FHIT: variants seen among roughly 807,000 people sequenced by gnomAD.
FHIT encodes bis(5'-adenosyl)-triphosphatase.
FHIT carries 19 observed loss-of-function variants against 17.9 expected under a neutral mutation model. The ratio of observed to expected loss-of-function variants is 1.06; its 90% CI spans 0.74 to 1.56. The LOEUF is 1.56. Among genes scored for constraint, FHIT ranks in the 40% most tolerant of loss-of-function variants. FHIT has a pLI of 0.00. For synonymous variants in FHIT, 81 were observed against 69.7 expected, an observed-to-expected ratio of 1.16 and a Z score of -0.81; for missense variants, 248 against 189.2, an observed-to-expected ratio of 1.31 and a Z score of -1.82.
chr3:59,972,030 A>G (rs866506598), intron 7 of FHIT, among the ~76,000 whole-genome samples: 1 of 152,066 alleles, frequency 6.6e-6, no homozygotes, highest in Non-Finnish European at 1.5e-5. Flanking sequence ...TCAGCCTTGA[A>G]TGGATAGGAA....
At chr3:60,782,193 C>T (rs1446060072) in intron 4 of FHIT, among the ~76,000 whole-genome samples, 1 of 149,246 alleles carries the variant, frequency 6.7e-6, no homozygotes, top group African/African-American at 2.5e-5. Flanking sequence ...AAAATTTCCT[C>T]ATTTTTAAGG....
intron 7 of FHIT, among the ~76,000 whole-genome samples, chr3:59,983,489 T>C (rs1268289886): frequency 5.9e-5 from 9 of 152,174 alleles, no homozygotes; most frequent in Admixed American, 5.9e-4. Context: ...TGTACTATTT[T>C]ATTAGTAGTA....
Position 60,536,838 on chromosome 3 carries a change from CAA to C in FHIT, c.103+20_103+21del, listed in dbSNP as rs751354648. Reference sequence around the variant, plus strand: ...TCAGAAGACTTTTATTTTCCCTCTCCAAAAAAAAAAAGAAAGGATACGTCCTG... The same window carrying C: ...TCAGAAGACTTTTATTTTCCCTCTCCAAAAAAAAAGAAAGGATACGTCCTG... On this transcript the variant is annotated intron_variant, in intron 5 of 9. Transcript: ENST00000492590. 6.3e-4 allele frequency: 740 copies of C among 1,175,406 alleles called. 1 individual carries two copies. The East Asian group carries it at 8.5e-3, about 14-fold the overall frequency. 72.8% of individuals were successfully genotyped at this position (1,175,406 alleles called of 1,614,324 possible). A position where few individuals can be genotyped will look rare whatever the true frequency, so the allele number is the denominator to read the frequency against.
At chr3:60,255,000 T>C (rs1705916740) in intron 5 of FHIT, among the ~76,000 whole-genome samples, 1 of 152,202 alleles carries the variant, frequency 6.6e-6, no homozygotes, top group African/African-American at 2.4e-5. Flanking sequence ...CTGAGAAGAA[T>C]GAAACAGATT....
chr3:60,276,661 TAAAGA>T (rs1296044154), intron 5 of FHIT, among the ~76,000 whole-genome samples: 1 of 152,192 alleles, frequency 6.6e-6, no homozygotes, highest in Non-Finnish European at 1.5e-5. Context: ...GGGTAATTTT[TAAAGA>T]AAAGAGGTTT....
intron 1 of FHIT, among the ~76,000 whole-genome samples, chr3:61,205,899 T>TA (rs2039213485): frequency 6.7e-6 from 1 of 149,876 alleles, no homozygotes; most frequent in South Asian, 2.2e-4. Context: ...TGCCCATGCC[T>TA]ATGTCCTGAA....
chr3:61,226,193 G>A (rs529435878), intron 1 of FHIT, among the ~76,000 whole-genome samples: 18 of 152,262 alleles, frequency 1.2e-4, no homozygotes, highest in Admixed American at 3.3e-4. Flanking sequence ...CTCATCAGGC[G>A]CTGAGGGGTG....
At chr3:60,305,511 T>C (rs1576449742) in intron 5 of FHIT, among the ~76,000 whole-genome samples, 1 of 152,146 alleles carries the variant, frequency 6.6e-6, no homozygotes, top group Non-Finnish European at 1.5e-5. Context: ...CTCTCGGCTG[T>C]TGATTCAACC....
At chr3:60,308,322 C>T (rs1296537704) in intron 5 of FHIT, among the ~76,000 whole-genome samples, 1 of 143,040 alleles carries the variant, frequency 7.0e-6, no homozygotes, top group African/African-American at 2.4e-5. Flanking sequence ...TGCATTCCTT[C>T]AGTGTAGAGT....
At chr3:60,560,013 G>T (rs370593695) in intron 4 of FHIT, among the ~76,000 whole-genome samples, 4 of 151,982 alleles carry the variant, frequency 2.6e-5, no homozygotes, top group African/African-American at 7.2e-5. Flanking sequence ...GTTTAAGAAT[G>T]ACAGCTCCCA....
intron 5 of FHIT, among the ~76,000 whole-genome samples, chr3:60,035,523 A>C (rs990436066): frequency 6.6e-6 from 1 of 152,184 alleles, no homozygotes; most frequent in African/African-American, 2.4e-5. Flanking sequence ...CCCAGCCAAA[A>C]ACATTTTTTT....
chr3:59,833,617 G>C (rs3112506), intron 8 of FHIT, among the ~76,000 whole-genome samples: 1 of 152,080 alleles, frequency 6.6e-6, no homozygotes, highest in Admixed American at 6.6e-5. Flanking sequence ...GGTGGCCCTA[G>C]GAAACTAATA....
rs567516876 is a variant in FHIT, at chr3:60,250,982, G to A, written c.104-236830C>T. Among the ~76,000 whole-genome samples, 283 of 152,266 alleles carry A rather than the reference G, an allele frequency of 1.9e-3. 1 individual carries two copies. Among genetic ancestry groups the A allele is most frequent in the African/African-American group, 6.4e-3 (265 of 41,560 alleles). On this transcript the variant is annotated intron_variant, in intron 5 of 9. Transcript: ENST00000492590. ...CGAAAGAGGTGACATTATGATTGCT[G>A]GGCATCCTTTACCCACGTGGTTTGT...
chr3:60,981,639 T>C (rs1710500369), intron 3 of FHIT, among the ~76,000 whole-genome samples: 1 of 152,046 alleles, frequency 6.6e-6, no homozygotes, highest in African/African-American at 2.4e-5. Context: ...GACAGGGTCT[T>C]GCTCTGTTGC....
At chr3:60,396,602 T>C (rs1376989330) in intron 5 of FHIT, among the ~76,000 whole-genome samples, 2 of 152,076 alleles carry the variant, frequency 1.3e-5, no homozygotes, top group Non-Finnish European at 2.9e-5. Context: ...GATAAACCCA[T>C]GGAGATAGAA....
chr3:60,789,489 G>A (rs1205582478), intron 4 of FHIT, among the ~76,000 whole-genome samples: 1 of 152,186 alleles, frequency 6.6e-6, no homozygotes, highest in East Asian at 1.9e-4. Context: ...CTGCACTCCA[G>A]CCTGGCGACA....
chr3:60,474,279 A>G (rs926038224), intron 5 of FHIT, among the ~76,000 whole-genome samples: 1 of 152,230 alleles, frequency 6.6e-6, no homozygotes, highest in East Asian at 1.9e-4. Context: ...GGGAAAAGGA[A>G]CATGTGTTCA....
At chr3:59,900,414 T>C (rs1398911481) in intron 8 of FHIT, among the ~76,000 whole-genome samples, 5 of 152,122 alleles carry the variant, frequency 3.3e-5, no homozygotes, top group African/African-American at 1.2e-4. Flanking sequence ...ATCCAAGAAG[T>C]TGCCAAACAA....
intron 5 of FHIT, among the ~76,000 whole-genome samples, chr3:60,311,366 T>A (rs1388616126): frequency 2.6e-5 from 4 of 152,068 alleles, no homozygotes. Flanking sequence ...CCAAGTACCA[T>A]ATTGGTTATG....
Sources: allele counts gnomAD v4.1 joint callset (sites outside exome capture counted in the v4.1 genomes callset), GRCh38; gene constraint gnomAD v4.1.1; transcripts MANE v1.5; gene names NCBI Gene and HGNC (gene_info 2026-07-23, HGNC 2026-07-21).